The following WNT3A variants were observed in gnomAD, a reference collection of about 807,000 sequenced individuals.
WNT3A encodes the protein Wnt family member 3A, also known as protein Wnt-3a.
A neutral mutation model predicts 37.0 loss-of-function variants in WNT3A; 17 were observed. The observed-to-expected ratio is 0.46, with a 90% CI of 0.31 to 0.69. The LOEUF is 0.69. Among genes scored for constraint, WNT3A ranks in the 30% least tolerant of loss-of-function variants. WNT3A has a pLI of 0.05. For missense variants in WNT3A, 411 were observed against 510.2 expected (o/e 0.81, Z 1.87); for synonymous variants, 187 against 211.0 (o/e 0.89, Z 0.99).
At chr1:228,015,912 T>C (rs776122258) in intron 1 of WNT3A, among the ~76,000 whole-genome samples, 3 of 151,912 alleles carry the variant, frequency 2.0e-5, no homozygotes, top group Non-Finnish European at 4.4e-5. Context: ...GCCACGCTTG[T>C]CTTAGGGCAC....
intron 1 of WNT3A, among the ~76,000 whole-genome samples, chr1:228,014,338 A>G (rs1246951061): frequency 2.0e-5 from 3 of 152,354 alleles, no homozygotes; most frequent in East Asian, 1.9e-4. Flanking sequence ...GTTGGAGCCC[A>G]TGCCCACCTT....
intron 2 of WNT3A, among the ~76,000 whole-genome samples, chr1:228,040,369 C>T (rs2031249132): frequency 6.6e-6 from 1 of 152,212 alleles, no homozygotes; most frequent in African/African-American, 2.4e-5. Context: ...GCTATGCTGC[C>T]TCAGCAGCTA....
At chr1:228,036,810 C>T (rs1290215486) in intron 2 of WNT3A, among the ~76,000 whole-genome samples, 1 of 152,224 alleles carries the variant, frequency 6.6e-6, no homozygotes, top group Non-Finnish European at 1.5e-5. Context: ...GCAGGGACGG[C>T]TGCAGTGGAT....
At chr1:228,058,436 G>A (rs1295691200) in intron 3 of WNT3A, among the ~76,000 whole-genome samples, 1 of 152,196 alleles carries the variant, frequency 6.6e-6, no homozygotes, top group South Asian at 2.1e-4. Flanking sequence ...GAAACCGTTC[G>A]CTCCTCAGCG....
At position 228,039,020 on chromosome 1, in the gene WNT3A, G is replaced by T. The variant is rs1353213929; in HGVS notation, c.314-11636G>T. 6.6e-6 allele frequency among the ~76,000 whole-genome samples: 1 copy of T among 152,128 alleles called. No individual in the cohort carries two copies. ...GCAGTGGGCAATGTTGGGAGTCTGG[G>T]CCCCCAGCACCCGGCTGGACTGGCC... is the stretch of plus-strand genomic sequence containing the variant. On this transcript the variant is annotated intron_variant, in intron 2 of 3. Coordinates refer to ENST00000284523, the MANE Select transcript of WNT3A (RefSeq NM_033131.4). This position sits in a 1 kb window ranked among gnomAD's most constrained non-coding sequence, Gnocchi z 4.1.
At chr1:228,035,941 A>G (rs951901440) in intron 2 of WNT3A, among the ~76,000 whole-genome samples, 1 of 152,206 alleles carries the variant, frequency 6.6e-6, no homozygotes, top group African/African-American at 2.4e-5. Context: ...AATAGGTTTA[A>G]GTAGGAAAGG....
intron 1 of WNT3A, among the ~76,000 whole-genome samples, chr1:228,021,619 C>G (rs2030710488): frequency 6.6e-6 from 1 of 152,238 alleles, no homozygotes; most frequent in South Asian, 2.1e-4. Context: ...AGTTCCTGCT[C>G]TCAGGCTCAA....
chr1:228,036,101 CAT>C (rs2031134125), intron 2 of WNT3A, among the ~76,000 whole-genome samples: 1 of 152,170 alleles, frequency 6.6e-6, no homozygotes, highest in African/African-American at 2.4e-5. Flanking sequence ...TCTCCATAAT[CAT>C]ATGATTGGAT....
At chr1:228,011,684 T>C (rs1035879552) in intron 1 of WNT3A, among the ~76,000 whole-genome samples, 3 of 152,254 alleles carry the variant, frequency 2.0e-5, no homozygotes, top group Non-Finnish European at 4.4e-5. Context: ...TCTCTGCCTC[T>C]CGTCTCTGCC....
At chr1:228,045,257 G>A (rs2031373558) in intron 2 of WNT3A, among the ~76,000 whole-genome samples, 1 of 152,246 alleles carries the variant, frequency 6.6e-6, no homozygotes, top group East Asian at 1.9e-4. Flanking sequence ...GCAAGAGGGA[G>A]GGGCTGGCCT....
At position 228,013,441 on chromosome 1, in the gene WNT3A, G is replaced by A. The variant is rs571879434; in HGVS notation, c.71+6242G>A. ...TTCCCCGGCAAAACGTGCCGCTGCC[G>A]CCCAGGGAAACTGGCAAGTGCGTGG... On this transcript the variant is annotated intron_variant, in intron 1 of 3. Transcript: ENST00000284523. 7.5e-4 allele frequency among the ~76,000 whole-genome samples: 114 copies of A among 152,306 alleles called. 1 individual carries two copies. Among genetic ancestry groups the A allele is most frequent in the African/African-American group, 2.2e-3 (92 of 41,574 alleles).
At chr1:228,010,601 G>A (rs900194649) in intron 1 of WNT3A, among the ~76,000 whole-genome samples, 2 of 152,140 alleles carry the variant, frequency 1.3e-5, no homozygotes, top group African/African-American at 2.4e-5. Flanking sequence ...CTCCCTCTCA[G>A]GCCGTTCCTT....
chr1:228,040,227 G>A (rs1303553360), intron 2 of WNT3A, among the ~76,000 whole-genome samples: 1 of 152,200 alleles, frequency 6.6e-6, no homozygotes, highest in Non-Finnish European at 1.5e-5. Flanking sequence ...ACTCACTGCT[G>A]TGCAGCCTGG....
intron 2 of WNT3A, among the ~76,000 whole-genome samples, chr1:228,040,885 C>CAAA (rs11328093): frequency 2.5e-5 from 3 of 118,690 alleles, no homozygotes; most frequent in African/African-American, 9.8e-5. Flanking sequence ...GACTCTATCT[C>CAAA]AAAAAAAAAA....
At chr1:228,018,163 C>T (rs1040031402) in intron 1 of WNT3A, among the ~76,000 whole-genome samples, 3 of 152,158 alleles carry the variant, frequency 2.0e-5, no homozygotes, top group African/African-American at 7.2e-5. Flanking sequence ...TTCTCATTCA[C>T]TCTCCATTTG....
intron 2 of WNT3A, among the ~76,000 whole-genome samples, chr1:228,044,102 G>A (rs2031348048): frequency 6.6e-6 from 1 of 151,968 alleles, no homozygotes; most frequent in African/African-American, 2.4e-5. Flanking sequence ...CTGCCTCAGC[G>A]TCCCAAGTAG....
chr1:228,018,214 C>T (rs760755533), intron 1 of WNT3A, among the ~76,000 whole-genome samples: 6 of 152,090 alleles, frequency 3.9e-5, no homozygotes, highest in East Asian at 1.9e-4. Context: ...TACTCCCTGG[C>T]GAGACCCTGA....
chr1:228,056,069 A>T (rs1216424421), intron 3 of WNT3A, among the ~76,000 whole-genome samples: 1 of 152,238 alleles, frequency 6.6e-6, no homozygotes, highest in African/African-American at 2.4e-5. Context: ...ACTCTGACCA[A>T]CTCAAAAGAG....
intron 3 of WNT3A, 136 bp from the exon 4 acceptor site, chr1:228,058,850 G>A (rs942816695): frequency 3.4e-6 from 3 of 890,638 alleles, no homozygotes; most frequent in African/African-American, 3.4e-5. Context: ...TGGCCCTGGG[G>A]CCCTGCCTGG....
Sources: allele counts gnomAD v4.1 joint callset (sites outside exome capture counted in the v4.1 genomes callset), GRCh38; gene constraint gnomAD v4.1.1; non-coding constraint Gnocchi (gnomAD v3.1); transcripts MANE v1.5; gene names NCBI Gene and HGNC (gene_info 2026-07-23, HGNC 2026-07-21).